NCOA2: variants seen among roughly 807,000 people sequenced by gnomAD.
The protein encoded by NCOA2 is class E basic helix-loop-helix protein 75.
NCOA2 carries 21 observed loss-of-function variants against 145.1 expected under a neutral mutation model. That is an observed-to-expected ratio of 0.14 (90% CI 0.10 to 0.21). NCOA2 has a LOEUF of 0.21. Ranked by LOEUF, NCOA2 falls within the 10% of genes least tolerant of loss-of-function variation. NCOA2 has a pLI of 1.00. For missense variants in NCOA2, 1,472 were observed against 1,837.6 expected (o/e 0.80, Z 3.64); for synonymous variants, 619 against 637.5 (o/e 0.97, Z 0.44).
chr8:70,258,341 T>C (rs1823822704), intron 2 of NCOA2, among the ~76,000 whole-genome samples: 4 of 152,262 alleles, frequency 2.6e-5, no homozygotes, highest in Admixed American at 2.0e-4. Context: ...TTTTCATTTG[T>C]AGCTTCAGGA....
chr8:70,451,526 G>A, the NCOA2 span, among the ~76,000 whole-genome samples: 9 of 151,714 alleles, frequency 5.9e-5, no homozygotes, highest in African/African-American at 2.2e-4. Flanking sequence ...TATAATGTGT[G>A]CGTTTCTTCT....
intron 1 of NCOA2, among the ~76,000 whole-genome samples, chr8:70,345,759 G>A (rs1315798023): frequency 6.6e-6 from 1 of 152,110 alleles, no homozygotes; most frequent in Non-Finnish European, 1.5e-5. Context: ...ATGATGCCAA[G>A]TGATTTGCCT....
At chr8:70,132,557 G>A (rs1020338419) in intron 15 of NCOA2, among the ~76,000 whole-genome samples, 2 of 152,128 alleles carry the variant, frequency 1.3e-5, no homozygotes, top group Non-Finnish European at 2.9e-5. Context: ...TGCACAAGCA[G>A]GCCTGGAAAA....
intron 1 of NCOA2, among the ~76,000 whole-genome samples, chr8:70,326,081 C>T (rs762645055): frequency 6.6e-6 from 1 of 152,188 alleles, no homozygotes; most frequent in Non-Finnish European, 1.5e-5. Context: ...CACCAAAACT[C>T]CTACAGTTCT....
intron 2 of NCOA2, among the ~76,000 whole-genome samples, chr8:70,264,547 T>G (rs970287647): frequency 6.6e-6 from 1 of 152,098 alleles, no homozygotes; most frequent in African/African-American, 2.4e-5. Context: ...CCTATATACT[T>G]CAGGCTCCAA....
At chr8:70,222,243 T>C (rs1261376196) in intron 2 of NCOA2, among the ~76,000 whole-genome samples, 1 of 152,212 alleles carries the variant, frequency 6.6e-6, no homozygotes, top group Non-Finnish European at 1.5e-5. Flanking sequence ...TTACTGTACA[T>C]TTGCCTTTTA....
chr8:70,398,181 G>A (rs1032746848), intron 1 of NCOA2, among the ~76,000 whole-genome samples: 1 of 152,218 alleles, frequency 6.6e-6, no homozygotes, highest in African/African-American at 2.4e-5. Flanking sequence ...ATGATGGCCA[G>A]GTACGGTGGC....
At chr8:70,319,010 G>GA (rs953863597) in intron 1 of NCOA2, among the ~76,000 whole-genome samples, 7 of 152,036 alleles carry the variant, frequency 4.6e-5, no homozygotes, top group Non-Finnish European at 1.0e-4. Context: ...GCTCTTTCTT[G>GA]AAAAAAACTT....
At chr8:70,250,087 C>T (rs1823009885) in intron 2 of NCOA2, among the ~76,000 whole-genome samples, 1 of 150,688 alleles carries the variant, frequency 6.6e-6, no homozygotes, top group Non-Finnish European at 1.5e-5. Context: ...ATGTCGTTTT[C>T]ATCATTTAAA....
chr8:70,405,707 CCTT>C (rs67939803), upstream of NCOA2, among the ~76,000 whole-genome samples: 15,889 of 151,826 alleles, frequency 0.1, 1,262 homozygotes, highest in East Asian at 0.4. Context: ...AAAAGATTCT[CCTT>C]CTTGCTTGCT....
At chr8:70,150,720 A>G (rs1160113683) in intron 11 of NCOA2, among the ~76,000 whole-genome samples, 1 of 152,240 alleles carries the variant, frequency 6.6e-6, no homozygotes, top group Non-Finnish European at 1.5e-5. Context: ...CATAAGGTAT[A>G]AACTGTTATT....
chr8:70,224,581 A>G (rs565248300), intron 2 of NCOA2, among the ~76,000 whole-genome samples: 5 of 152,162 alleles, frequency 3.3e-5, no homozygotes, highest in African/African-American at 1.2e-4. Context: ...ACTTATAGAC[A>G]CTTAGATTTC....
intron 22 of NCOA2, among the ~76,000 whole-genome samples, chr8:70,117,437 G>A (rs557419254): frequency 1.3e-5 from 2 of 152,364 alleles, no homozygotes; most frequent in Non-Finnish European, 2.9e-5. Flanking sequence ...CCTCCCTCCT[G>A]AGATGAAGAA....
At chr8:70,402,980 C>A (rs895631061) in intron 1 of NCOA2, among the ~76,000 whole-genome samples, 3 of 145,386 alleles carry the variant, frequency 2.1e-5, no homozygotes, top group Non-Finnish European at 4.6e-5. Flanking sequence ...CGGCGCCCCT[C>A]GCCCCCCACC....
the NCOA2 span, among the ~76,000 whole-genome samples, chr8:70,425,839 T>C: frequency 6.6e-6 from 1 of 152,178 alleles, no homozygotes; most frequent in Non-Finnish European, 1.5e-5. Flanking sequence ...CCTTTGGTGC[T>C]AGGGGCTTTG....
chr8:70,404,236 A>T (rs893136803), upstream of NCOA2, among the ~76,000 whole-genome samples: 1 of 152,236 alleles, frequency 6.6e-6, no homozygotes, highest in Admixed American at 6.5e-5. Context: ...AGAGAGAGTC[A>T]ACAGAGGACT....
intron 4 of NCOA2, among the ~76,000 whole-genome samples, chr8:70,200,619 C>T (rs925214535): frequency 6.6e-6 from 1 of 152,148 alleles, no homozygotes; most frequent in African/African-American, 2.4e-5. Context: ...ATAATTGCTA[C>T]AACATGGATA....
chr8:70,416,272 A>G, the NCOA2 span, among the ~76,000 whole-genome samples: 1 of 151,188 alleles, frequency 6.6e-6, no homozygotes, highest in Non-Finnish European at 1.5e-5. Context: ...TGTTAATTAC[A>G]TCTAAAATAC....
chr8:70,136,894 TGA>T (rs1315553063), intron 15 of NCOA2, among the ~76,000 whole-genome samples: 7 of 152,326 alleles, frequency 4.6e-5, no homozygotes, highest in Non-Finnish European at 1.0e-4. Flanking sequence ...AATAAAAATG[TGA>T]GAGTGGCTAG....
Sources: gnomAD v4.1 joint callset for allele counts (sites outside exome capture counted in the v4.1 genomes callset) on GRCh38, gnomAD v4.1.1 for gene constraint, MANE v1.5 for transcripts, NCBI Gene and HGNC (gene_info 2026-07-23, HGNC 2026-07-21) for gene names.